Variants in CDCA7L observed in about 807,000 individuals in gnomAD.
CDCA7L encodes cell division cycle associated 7 like, also known as cell division cycle-associated 7-like protein.
In CDCA7L, 44 loss-of-function variants were observed where a neutral mutation model predicts 57.4. The observed-to-expected ratio is 0.77, with a 90% CI of 0.60 to 0.98. CDCA7L has a LOEUF of 0.98. CDCA7L is among the 50% of genes least tolerant of loss of function. The probability of loss-of-function intolerance (pLI) is 0.00; values close to 1 mark genes in which losing one functional copy is unlikely to be tolerated. For synonymous variants in CDCA7L, 236 were observed against 202.8 expected (o/e 1.16, Z -1.39); for missense variants, 644 against 580.6 (o/e 1.11, Z -1.12).
At chr7:21,911,209 G>A (rs867791431) in intron 3 of CDCA7L, among the ~76,000 whole-genome samples, 1 of 151,152 alleles carries the variant, frequency 6.6e-6, no homozygotes, top group Non-Finnish European at 1.5e-5. Flanking sequence ...TTTGTATTTT[G>A]AGGAGAGATG....
intron 1 of CDCA7L, among the ~76,000 whole-genome samples, chr7:21,920,703 G>T (rs751195177): frequency 3.3e-5 from 5 of 152,176 alleles, no homozygotes; most frequent in African/African-American, 1.2e-4. Context: ...TTCTCAAGGA[G>T]GTATGTTAAA....
intron 1 of CDCA7L, among the ~76,000 whole-genome samples, chr7:21,941,749 G>C (rs1786346251): frequency 6.6e-6 from 1 of 152,194 alleles, no homozygotes; most frequent in African/African-American, 2.4e-5. Flanking sequence ...GAGCAAATTA[G>C]TCAATTTAGC....
chr7:21,936,541 C>T (rs558623031), intron 1 of CDCA7L, among the ~76,000 whole-genome samples: 1 of 152,020 alleles, frequency 6.6e-6, no homozygotes, highest in South Asian at 2.1e-4. Context: ...TAATGTAGTA[C>T]ACCCTATGAA....
intron 4 of CDCA7L, among the ~76,000 whole-genome samples, chr7:21,906,853 G>A (rs373068750): frequency 1.3e-5 from 2 of 152,190 alleles, no homozygotes; most frequent in East Asian, 3.9e-4. Context: ...ATGAACACTA[G>A]CCTATTCCTT....
chr7:21,910,829 T>G (rs375133401), intron 3 of CDCA7L, among the ~76,000 whole-genome samples: 5 of 152,060 alleles, frequency 3.3e-5, no homozygotes, highest in Admixed American at 6.6e-5. Context: ...CTAAAAAGCA[T>G]GACAAATCCA....
intron 8 of CDCA7L, 148 bp from the exon 9 acceptor site, chr7:21,903,262 C>T (rs1025129014): frequency 1.4e-6 from 1 of 698,284 alleles, no homozygotes; most frequent in African/African-American, 1.8e-5. Context: ...GGGCTCCTCA[C>T]AAGGCAGGAA....
intron 2 of CDCA7L, 116 bp downstream of exon 2, chr7:21,916,638 A>T (rs763221004): frequency 2.1e-6 from 2 of 945,146 alleles, no homozygotes; most frequent in Non-Finnish European, 3.2e-6. Flanking sequence ...TCTAAAATAA[A>T]ATGCTAGACA....
intron 1 of CDCA7L, among the ~76,000 whole-genome samples, chr7:21,931,544 A>G (rs1322586826): frequency 2.0e-5 from 3 of 152,236 alleles, no homozygotes; most frequent in African/African-American, 4.8e-5. Context: ...TTATCTCAAT[A>G]TATGCAGAAA....
At chr7:21,910,450 A>G (rs1339720033) in intron 3 of CDCA7L, among the ~76,000 whole-genome samples, 1 of 152,142 alleles carries the variant, frequency 6.6e-6, no homozygotes, top group Non-Finnish European at 1.5e-5. Context: ...CTCTCCTAGG[A>G]CAAGTGAGGG....
intron 1 of CDCA7L, among the ~76,000 whole-genome samples, chr7:21,921,287 G>C (rs903889854): frequency 3.0e-5 from 4 of 134,538 alleles, no homozygotes; most frequent in Non-Finnish European, 6.1e-5. Flanking sequence ...GCAGGGCTCT[G>C]ATCCTTCAAA....
At chr7:21,925,417 T>C (rs142498349) in intron 1 of CDCA7L, among the ~76,000 whole-genome samples, 1 of 152,320 alleles carries the variant, frequency 6.6e-6, no homozygotes, top group Non-Finnish European at 1.5e-5. Flanking sequence ...ACAGAACTGG[T>C]ATGAGGACAC....
rs185017010 is a variant in CDCA7L at position 21,944,400 on chromosome 7, G to C, written c.24+1381C>G. Among the ~76,000 whole-genome samples the C allele has an allele frequency of 2.5e-3, 327 of 132,454 alleles. 7 individuals carry two copies. The Admixed American group carries it at 0.027, about 11-fold the overall frequency. The allele number at this position is 132,454 out of a possible 152,430, so 86.9% of individuals were successfully genotyped here. On this transcript the variant is annotated intron_variant, in intron 1 of 9. Coordinates refer to ENST00000406877, the MANE Select transcript of CDCA7L (RefSeq NM_018719.5). ...CGGGAGGCGAAGGTTGCAGTGAGCC[G>C]AGGTCGCGCCATTACACTCCACCCC...
Position 21,903,055 on chromosome 7 carries a change from G to C in CDCA7L, c.1257C>G (p.Asp419Glu). The change falls in exon 9 of 10, where the codon GAC becomes GAG. Residue 419 changes from aspartate (D) to glutamate (E), a missense_variant. Asp to Glu is a conservative substitution (Grantham distance 45). Transcript: ENST00000406877. ...ICNCSYCRKR[D>E]GRCATGILIH... is the part of the protein sequence containing the mutation. ...TGAGGATTCCTGTGGCACAGCGGCC[G>C]TCACGCTTCCGACAGTAGCTGCAAT... 6.2e-7 allele frequency: 1 copy of C among 1,614,002 alleles called. No individual in the cohort carries two copies. The highest frequency in any genetic ancestry group is 8.5e-7 in the Non-Finnish European group (1 of 1,179,894).
At chr7:21,942,216 G>C (rs955506430) in intron 1 of CDCA7L, among the ~76,000 whole-genome samples, 1 of 152,158 alleles carries the variant, frequency 6.6e-6, no homozygotes, top group Non-Finnish European at 1.5e-5. Flanking sequence ...CTAAAGCTCA[G>C]GCCCCTTGCA....
intron 1 of CDCA7L, among the ~76,000 whole-genome samples, chr7:21,923,131 T>C (rs1436867209): frequency 6.6e-6 from 1 of 152,134 alleles, no homozygotes; most frequent in Non-Finnish European, 1.5e-5. Flanking sequence ...ATGGCTAAGA[T>C]AGGAGATTTT....
At position 21,919,364 on chromosome 7, in the gene CDCA7L, G is replaced by A. The variant is rs12700328; in HGVS notation, c.25-2470C>T. On this transcript the variant is annotated intron_variant, in intron 1 of 9. Coordinates refer to ENST00000406877, the MANE Select transcript of CDCA7L (RefSeq NM_018719.5). Reference sequence around the variant, plus strand: ...AAGTCATCCTCTGTCTTTCTGACATGGCACTAAGGGTCTTTCAACACCTCC... The same window carrying A: ...AAGTCATCCTCTGTCTTTCTGACATAGCACTAAGGGTCTTTCAACACCTCC... Among the ~76,000 whole-genome samples the A allele has an allele frequency of 8.9e-3, 1,352 of 152,194 alleles. 7 individuals carry two copies. Among genetic ancestry groups the A allele is most frequent in the Non-Finnish European group, 0.015 (1,039 of 68,008 alleles).
chr7:21,933,446 T>A (rs183191406), intron 1 of CDCA7L, among the ~76,000 whole-genome samples: 1 of 152,164 alleles, frequency 6.6e-6, no homozygotes, highest in Non-Finnish European at 1.5e-5. Context: ...GTGGCACATA[T>A]ACACCATGGA....
intron 9 of CDCA7L, chr7:21,902,727 C>A (rs1208633041): frequency 5.9e-6 from 3 of 505,634 alleles, no homozygotes; most frequent in South Asian, 2.8e-5. Context: ...CTGTCATACA[C>A]CTCAAGGAGA....
chr7:21,909,454 C>G (rs1048974064), intron 3 of CDCA7L, among the ~76,000 whole-genome samples: 1 of 152,050 alleles, frequency 6.6e-6, no homozygotes, highest in African/African-American at 2.4e-5. Context: ...TTCAGGGACT[C>G]TGCTTCCTCC....
Sources: allele counts gnomAD v4.1 joint callset (sites outside exome capture counted in the v4.1 genomes callset), GRCh38; gene constraint gnomAD v4.1.1; transcripts MANE v1.5; gene names NCBI Gene and HGNC (gene_info 2026-07-23, HGNC 2026-07-21).